ENTPD5: variants seen among roughly 807,000 people sequenced by gnomAD.
ENTPD5 encodes the protein nucleoside diphosphate phosphatase ENTPD5.
ENTPD5 carries 49 observed loss-of-function variants against 60.2 expected under a neutral mutation model. The ratio of observed to expected loss-of-function variants is 0.81; its 90% CI spans 0.65 to 1.03. ENTPD5 has a LOEUF of 1.03. Ranked by LOEUF, ENTPD5 falls within the 50% of genes least tolerant of loss-of-function variation. The pLI, the probability that ENTPD5 is intolerant of heterozygous loss-of-function variation, is 0.00. For synonymous variants in ENTPD5, 187 were observed against 185.4 expected (o/e 1.01, Z -0.07); for missense variants, 480 against 507.6 (o/e 0.95, Z 0.52).
At chr14:73,987,110 T>A (rs1156997404) in intron 4 of ENTPD5, 1 of 703,230 alleles carries the variant, frequency 1.4e-6, no homozygotes, top group Non-Finnish European at 2.6e-6. Flanking sequence ...GGTGGACACC[T>A]AACTCCTCCA....
At chr14:73,987,086 G>A (rs2057932782) in intron 4 of ENTPD5, 193 bp from the exon 5 acceptor site, 1 of 705,490 alleles carries the variant, frequency 1.4e-6, no homozygotes, top group African/African-American at 1.7e-5. Context: ...GTCCATTTCT[G>A]CTACCATTTC....
chr14:73,990,988 C>T (rs1353941809), intron 3 of ENTPD5, among the ~76,000 whole-genome samples: 1 of 152,044 alleles, frequency 6.6e-6, no homozygotes, highest in Admixed American at 6.5e-5. Context: ...GAAACCATGC[C>T]ACTGCACTCC....
At chr14:73,978,280 C>T (rs749507465) in intron 6 of ENTPD5, among the ~76,000 whole-genome samples, 5 of 152,144 alleles carry the variant, frequency 3.3e-5, no homozygotes, top group Non-Finnish European at 5.9e-5. Flanking sequence ...TAAAAATGGA[C>T]GTCAAATCAT....
intron 3 of ENTPD5, among the ~76,000 whole-genome samples, chr14:73,990,379 G>A (rs1027486316): frequency 5.8e-4 from 77 of 133,590 alleles, no homozygotes; most frequent in African/African-American, 1.8e-3. Context: ...CTGTCACCCC[G>A]GCTGGAGTGC....
At chr14:74,005,942 C>T (rs768553006) in intron 3 of ENTPD5, among the ~76,000 whole-genome samples, 4 of 152,188 alleles carry the variant, frequency 2.6e-5, no homozygotes, top group African/African-American at 4.8e-5. Flanking sequence ...AAAACTACAA[C>T]TCACACAATG....
intron 3 of ENTPD5, among the ~76,000 whole-genome samples, chr14:73,999,569 G>T (rs1235342830): frequency 6.6e-6 from 1 of 152,136 alleles, no homozygotes; most frequent in African/African-American, 2.4e-5. Flanking sequence ...GCCAAGGTGG[G>T]CGGATCATGA....
chr14:73,992,734 G>A (rs1233306294), intron 3 of ENTPD5, among the ~76,000 whole-genome samples: 1 of 151,782 alleles, frequency 6.6e-6, no homozygotes, highest in Non-Finnish European at 1.5e-5. Context: ...TGGGTGTGGT[G>A]GCGCACGCCT....
In ENTPD5 at chr14:73,972,980, C is replaced by T. The variant is rs775469501; in HGVS notation, c.931G>A (p.Val311Ile). 3.7e-6 allele frequency: 6 copies of T among 1,614,216 alleles called. No homozygotes were observed. In the South Asian group the frequency reaches 5.5e-5, roughly 15 times the overall value. ...EPCYAEVLRV[V>I]RGKLHQPEEV... ...TCTGGCTGGTGAAGTTTTCCTCGTACCACCCTCAGCACTTCGGCATAGCAG... is the reference window on the plus strand; with the variant it reads ...TCTGGCTGGTGAAGTTTTCCTCGTATCACCCTCAGCACTTCGGCATAGCAG... The change falls in exon 13 of 16, where the codon GTA (valine) becomes ATA (isoleucine). Residue 311 changes from valine (V) to isoleucine (I), a missense_variant. Transcript: ENST00000334696.
rs182089535 is a variant in ENTPD5, at chr14:73,970,891, T to C, written c.1085-766A>G. Among the ~76,000 whole-genome samples the C allele has an allele frequency of 1.5e-3, 224 of 150,894 alleles. 1 individual carries two copies. Among genetic ancestry groups the C allele is most frequent in the African/African-American group, 5.2e-3 (213 of 41,048 alleles). On this transcript the variant is annotated intron_variant, in intron 14 of 15. Transcript: ENST00000334696. ...CCCAGGGTGGAGTGCAGTGGCATGA[T>C]CACAGCTCCCTGCAGCCTCAAGCTC...
Position 73,973,006 on chromosome 14 carries a change from G to A in ENTPD5, c.905C>T (p.Pro302Leu), listed in dbSNP as rs749870181. 4 of 1,614,158 alleles carry A rather than the reference G, an allele frequency of 2.5e-6. No homozygotes were observed. The highest frequency in any genetic ancestry group is 8.5e-7 in the Non-Finnish European group (1 of 1,180,022). ...CACCCTCAGCACTTCGGCATAGCAGGGCTCAAAGCCCACCTCCCCTGCCAG... is the reference window on the plus strand; with the variant it reads ...CACCCTCAGCACTTCGGCATAGCAGAGCTCAAAGCCCACCTCCCCTGCCAG... The part of the protein sequence containing the change: ...GNQEGEVGFE[P>L]CYAEVLRVVR... Residue 302 changes from proline to leucine, a missense_variant, in exon 13 of 16, where the codon CCC becomes CTC. Physicochemically the swap from Pro to Leu is moderately conservative, Grantham distance 98 (BLOSUM62 -3). Transcript: ENST00000334696.
intron 3 of ENTPD5, among the ~76,000 whole-genome samples, chr14:74,009,810 C>T (rs1304961575): frequency 6.6e-6 from 1 of 151,310 alleles, no homozygotes; most frequent in Non-Finnish European, 1.5e-5. Context: ...TTTTTTGAGA[C>T]GGAGTCTCGC....
At position 73,975,815 on chromosome 14, in the gene ENTPD5, T is replaced by C. The variant is rs567192289; in HGVS notation, c.722+121A>G. ...GGACCGGGTTTCAGTTGATAGGCCT[T>C]AGGGAATTGGCACAGACTTTGTTTT... On this transcript the variant is annotated intron_variant, in intron 10 of 15. Transcript: ENST00000334696. 68 of 800,680 alleles carry C rather than the reference T, an allele frequency of 8.5e-5. 2 individuals are homozygous for C. The highest frequency in any genetic ancestry group is 2.0e-6 in the Non-Finnish European group (1 of 505,918). The allele number at this position is 800,680 out of a possible 1,614,324, so 49.6% of individuals were successfully genotyped here. A position where few individuals can be genotyped will look rare whatever the true frequency, so the allele number is the denominator to read the frequency against.
chr14:73,960,568 G>C, downstream of ENTPD5: 1 of 1,023,480 alleles, frequency 9.8e-7, no homozygotes, highest in Non-Finnish European at 1.2e-6. Flanking sequence ...TCCTGGCACA[G>C]GTCTAGGTCC....
At chr14:74,008,339 C>T (rs141907483) in intron 3 of ENTPD5, among the ~76,000 whole-genome samples, 56 of 152,050 alleles carry the variant, frequency 3.7e-4, no homozygotes, top group Non-Finnish European at 6.9e-4. Context: ...ACTGATCAGA[C>T]GGCTTGTCAA....
In ENTPD5 at chr14:74,011,867, G is replaced by A. The variant is rs182847584; in HGVS notation, c.-130-717C>T. 3.3e-5 allele frequency among the ~76,000 whole-genome samples: 5 copies of A among 152,224 alleles called. No individual in the cohort carries two copies. The East Asian group carries it at 7.7e-4, about 23-fold the overall frequency. Reference sequence around the variant, plus strand: ...GGTTAAAAGGGACCAAGCAGATGGGGGCTTGGTGGCTCATGCCTATACTCC... The same window carrying A: ...GGTTAAAAGGGACCAAGCAGATGGGAGCTTGGTGGCTCATGCCTATACTCC... On this transcript the variant is annotated intron_variant, in intron 2 of 15. Transcript: ENST00000334696.
chr14:73,979,379 T>C lies in ENTPD5; in HGVS notation c.442-2005A>G, dbSNP rs181141191. Among the ~76,000 whole-genome samples the C allele has an allele frequency of 2.7e-4, 41 of 152,216 alleles. No homozygotes were observed. The East Asian group carries it at 6.7e-3, about 25-fold the overall frequency. On this transcript the variant is annotated intron_variant, in intron 6 of 15. Coordinates refer to ENST00000334696, the MANE Select transcript of ENTPD5 (RefSeq NM_001249.5). ...TTTTCTGTCTTCCTGAAGTAGAATG[T>C]AAGCTACAGGAGTGCAAAGACCATT...
chr14:73,998,926 T>C (rs2058420593), intron 3 of ENTPD5, among the ~76,000 whole-genome samples: 2 of 152,128 alleles, frequency 1.3e-5, no homozygotes, highest in South Asian at 2.1e-4. Flanking sequence ...GTTTGGACTT[T>C]ACTCTGCAGG....
intron 3 of ENTPD5, among the ~76,000 whole-genome samples, chr14:73,991,702 A>T (rs926472934): frequency 2.0e-5 from 3 of 150,436 alleles, no homozygotes; most frequent in African/African-American, 7.3e-5. Context: ...TATCCACTAG[A>T]GGTCAATAGC....
intron 12 of ENTPD5, 109 bp downstream of exon 12, chr14:73,973,768 C>A (rs1391004159): frequency 2.3e-6 from 2 of 877,924 alleles, no homozygotes; most frequent in Middle Eastern, 2.2e-4. Context: ...TGGAATAAGT[C>A]CCTGCAACAA....
Sources: gnomAD v4.1 joint callset for allele counts (sites outside exome capture counted in the v4.1 genomes callset) on GRCh38, gnomAD v4.1.1 for gene constraint, MANE v1.5 for transcripts, NCBI Gene and HGNC (gene_info 2026-07-23, HGNC 2026-07-21) for gene names.